GDAP1: variants seen among roughly 807,000 people sequenced by gnomAD.
GDAP1 encodes ganglioside-induced differentiation-associated protein 1.
Under a neutral mutation model 40.1 loss-of-function variants are expected in GDAP1, and 34 were observed. The observed-to-expected ratio is 0.85, with a 90% CI of 0.64 to 1.13. The LOEUF is 1.13. Among genes scored for constraint, GDAP1 ranks in the 50% most tolerant of loss-of-function variants. The probability of loss-of-function intolerance (pLI) is 0.00; values close to 1 mark genes in which losing one functional copy is unlikely to be tolerated. For missense variants in GDAP1, 374 were observed against 433.7 expected (o/e 0.86, Z 1.22); for synonymous variants, 170 against 157.4 (o/e 1.08, Z -0.60).
At chr8:74,422,261 CTTT>C (rs1342113704) in intron 2 of GDAP1, among the ~76,000 whole-genome samples, 1 of 112,994 alleles carries the variant, frequency 8.9e-6, no homozygotes, top group Admixed American at 9.9e-5. Context: ...TTCTTTCTTT[CTTT>C]TTCTTTTCTT....
At chr8:74,474,625 G>A (rs1028946884) in intron 2 of GDAP1, among the ~76,000 whole-genome samples, 2 of 152,124 alleles carry the variant, frequency 1.3e-5, no homozygotes, top group African/African-American at 4.8e-5. Flanking sequence ...CACCAACCTT[G>A]CATCCCAGGA....
At chr8:74,436,347 C>G (rs1247590321) in intron 2 of GDAP1, among the ~76,000 whole-genome samples, 1 of 151,736 alleles carries the variant, frequency 6.6e-6, no homozygotes, top group Non-Finnish European at 1.5e-5. Context: ...AATGGTAGAG[C>G]TCTTGGAGGA....
chr8:74,469,646 G>A (rs565322066), intron 2 of GDAP1, among the ~76,000 whole-genome samples: 533 of 148,684 alleles, frequency 3.6e-3, no homozygotes, highest in African/African-American at 0.011. Context: ...TCCAGCCTGG[G>A]CTACAGAGTG....
At chr8:74,422,715 C>T (rs1016572426) in intron 2 of GDAP1, among the ~76,000 whole-genome samples, 17 of 151,808 alleles carry the variant, frequency 1.1e-4, no homozygotes, top group Non-Finnish European at 2.2e-4. Flanking sequence ...CATGATTTTG[C>T]AAAACCCCTT....
intron 1 of GDAP1, 49 bp from the exon 2 acceptor site, chr8:74,351,225 T>C (rs1163554518): frequency 6.7e-7 from 1 of 1,494,600 alleles, no homozygotes; most frequent in South Asian, 1.1e-5. Context: ...GGGAAGTCAT[T>C]TAATTGAAAG....
chr8:74,466,449 T>A (rs1586843467), intron 2 of GDAP1, among the ~76,000 whole-genome samples: 1 of 152,184 alleles, frequency 6.6e-6, no homozygotes, highest in East Asian at 1.9e-4. Context: ...GCTACCACAG[T>A]AATTGAGAGC....
intron 3 of GDAP1, among the ~76,000 whole-genome samples, chr8:74,361,022 T>C (rs188554327): frequency 3.3e-5 from 5 of 152,290 alleles, no homozygotes; most frequent in Admixed American, 3.3e-4. Context: ...TTATTCTTTT[T>C]TTCCTTTTTG....
At chr8:74,445,631 G>C (rs574810033) in intron 2 of GDAP1, among the ~76,000 whole-genome samples, 1 of 151,788 alleles carries the variant, frequency 6.6e-6, no homozygotes, top group South Asian at 2.1e-4. Flanking sequence ...GTTTCTTTTG[G>C]TACACACATG....
At chr8:74,388,350 C>T (rs1810056542) in intron 2 of GDAP1, among the ~76,000 whole-genome samples, 1 of 152,032 alleles carries the variant, frequency 6.6e-6, no homozygotes, top group Non-Finnish European at 1.5e-5. Context: ...ACTGCTTTAG[C>T]TGTGTCCCAG....
Position 74,427,907 on chromosome 8 carries a change from T to G in GDAP1, c.166-60771T>G, listed in dbSNP as rs181493075. ...AATTTTTAAAAATAATTTTAAAATT[T>G]AGTTCACATTATAAAATAATTTTAA... On this transcript the variant is annotated intron_variant, in intron 2 of 2. Coordinates refer to the GDAP1 transcript ENST00000523640. Among the ~76,000 whole-genome samples, 789 of 152,326 alleles carry G rather than the reference T, an allele frequency of 5.2e-3. 6 individuals carry two copies. The highest frequency in any genetic ancestry group is 0.018 in the African/African-American group (757 of 41,584).
chr8:74,431,466 C>G (rs1806023538), intron 2 of GDAP1, among the ~76,000 whole-genome samples: 1 of 143,010 alleles, frequency 7.0e-6, no homozygotes, highest in Non-Finnish European at 1.5e-5. Context: ...GTTCAAAATT[C>G]TTTCTTATTT....
At chr8:74,363,749 C>A (rs553296569) in intron 5 of GDAP1, among the ~76,000 whole-genome samples, 18 of 152,308 alleles carry the variant, frequency 1.2e-4, no homozygotes, top group African/African-American at 4.1e-4. Context: ...ACATAGGGAC[C>A]TGGATGGCTG....
At chr8:74,471,212 A>G (rs1204109066) in intron 2 of GDAP1, among the ~76,000 whole-genome samples, 1 of 152,018 alleles carries the variant, frequency 6.6e-6, no homozygotes, top group African/African-American at 2.4e-5. Context: ...GTTCACTCTG[A>G]TGGTAGTTTC....
downstream of GDAP1, among the ~76,000 whole-genome samples, chr8:74,370,964 T>A (rs1279488497): frequency 6.6e-6 from 1 of 152,250 alleles, no homozygotes; most frequent in Non-Finnish European, 1.5e-5. Context: ...TCAAAATGTA[T>A]GTGGCAAAAT....
At chr8:74,353,444 T>G (rs1808967575) in intron 2 of GDAP1, among the ~76,000 whole-genome samples, 3 of 152,182 alleles carry the variant, frequency 2.0e-5, no homozygotes, top group Non-Finnish European at 4.4e-5. Flanking sequence ...AAATCAAGGC[T>G]AAGTTATATA....
intron 2 of GDAP1, among the ~76,000 whole-genome samples, chr8:74,400,081 C>T (rs377382951): frequency 6.7e-6 from 1 of 148,280 alleles, no homozygotes; most frequent in East Asian, 1.9e-4. Flanking sequence ...TGGTGCAGAG[C>T]TGAGTTCAAT....
chr8:74,466,855 G>A (rs1211974506), intron 2 of GDAP1, among the ~76,000 whole-genome samples: 1 of 152,168 alleles, frequency 6.6e-6, no homozygotes, highest in Admixed American at 6.5e-5. Flanking sequence ...GTTGGCTATA[G>A]AGAGGAGATA....
At chr8:74,457,019 C>A (rs929800664) in intron 2 of GDAP1, among the ~76,000 whole-genome samples, 4 of 152,058 alleles carry the variant, frequency 2.6e-5, no homozygotes, top group Non-Finnish European at 5.9e-5. Context: ...TATGGCTACC[C>A]CTTACTTCTG....
At chr8:74,360,019 T>C in intron 2 of GDAP1, 118 bp from the exon 3 acceptor site, 1 of 762,658 alleles carries the variant, frequency 1.3e-6, no homozygotes, top group East Asian at 2.7e-5. Flanking sequence ...ACAGTGTTTT[T>C]TGAATATACA....
Sources: gnomAD v4.1 joint callset for allele counts (sites outside exome capture counted in the v4.1 genomes callset) on GRCh38, gnomAD v4.1.1 for gene constraint, MANE v1.5 for transcripts, NCBI Gene and HGNC (gene_info 2026-07-23, HGNC 2026-07-21) for gene names.